DZANK1: variants seen among roughly 807,000 people sequenced by gnomAD.
The protein encoded by DZANK1 is double zinc ribbon and ankyrin repeat domains 1, also known as double zinc ribbon and ankyrin repeat-containing protein 1.
DZANK1 carries 91 observed loss-of-function variants against 94.5 expected under a neutral mutation model. The ratio of observed to expected loss-of-function variants is 0.96; its 90% CI spans 0.81 to 1.15. The LOEUF is 1.15. Among genes scored for constraint, DZANK1 ranks in the 50% most tolerant of loss-of-function variants. The pLI is 0.00. For missense variants in DZANK1, 903 were observed against 916.4 expected (o/e 0.99, Z 0.19); for synonymous variants, 312 against 325.3 (o/e 0.96, Z 0.44).
intron 12 of DZANK1, chr20:18,413,077 A>C: frequency 1.7e-6 from 1 of 577,186 alleles, no homozygotes. Context: ...AAAGTCAGCA[A>C]ATCAAGGGGT....
intron 10 of DZANK1, among the ~76,000 whole-genome samples, chr20:18,423,617 G>A (rs1219253825): frequency 6.6e-6 from 1 of 152,256 alleles, no homozygotes; most frequent in East Asian, 1.9e-4. Context: ...AAATTATACA[G>A]AGTGTGCTCT....
chr20:18,407,829 A>C (rs2057036916), intron 13 of DZANK1, among the ~76,000 whole-genome samples: 1 of 152,254 alleles, frequency 6.6e-6, no homozygotes, highest in South Asian at 2.1e-4. Context: ...GATTAAGCAA[A>C]AGAAAGAATT....
At chr20:18,412,602 G>A in intron 13 of DZANK1, 44 bp downstream of exon 13, 3 of 1,566,444 alleles carry the variant, frequency 1.9e-6, no homozygotes, top group Non-Finnish European at 2.6e-6. Context: ...CACAGAAAGA[G>A]TGAATTCCCT....
intron 4 of DZANK1, 188 bp from the exon 5 acceptor site, chr20:18,454,015 C>T (rs2059198969): frequency 2.9e-6 from 2 of 698,482 alleles, no homozygotes; most frequent in Admixed American, 1.8e-5. Context: ...GGCTGCTCAG[C>T]TGGCAGCACA....
At chr20:18,466,198 T>G (rs938793662) in intron 1 of DZANK1, among the ~76,000 whole-genome samples, 3 of 152,250 alleles carry the variant, frequency 2.0e-5, no homozygotes, top group Non-Finnish European at 2.9e-5. Flanking sequence ...AATCCATAGA[T>G]TTTGCCCAAT....
chr20:18,459,106 C>T (rs560871806), intron 3 of DZANK1, among the ~76,000 whole-genome samples: 5 of 152,328 alleles, frequency 3.3e-5, no homozygotes, highest in Non-Finnish European at 7.3e-5. Context: ...TTTACTACTA[C>T]TTGCAGCTTC....
intron 8 of DZANK1, among the ~76,000 whole-genome samples, chr20:18,442,143 A>G (rs1233085917): frequency 6.6e-6 from 1 of 152,232 alleles, no homozygotes; most frequent in African/African-American, 2.4e-5. Context: ...TTGCACTAAT[A>G]GAAATATAAC....
intron 3 of DZANK1, among the ~76,000 whole-genome samples, chr20:18,455,994 T>A (rs1390309684): frequency 6.6e-6 from 1 of 152,194 alleles, no homozygotes; most frequent in African/African-American, 2.4e-5. Context: ...AACATTCTAT[T>A]GGTCAAAAGC....
At chr20:18,384,342 A>G (rs1024221329) in exon 21 of DZANK1, 14 of 1,522,700 alleles carry the variant, frequency 9.2e-6, no homozygotes, top group African/African-American at 1.4e-5. Flanking sequence ...TACAGGCGTA[A>G]GCCACTGTGC....
chr20:18,459,315 T>C (rs1211800707), intron 3 of DZANK1, among the ~76,000 whole-genome samples: 4 of 152,236 alleles, frequency 2.6e-5, no homozygotes, highest in African/African-American at 9.6e-5. Flanking sequence ...TTTTGTTTCA[T>C]TTTATTTGTT....
At chr20:18,440,772 G>A (rs935256010) in intron 8 of DZANK1, among the ~76,000 whole-genome samples, 13 of 152,210 alleles carry the variant, frequency 8.5e-5, no homozygotes, top group Admixed American at 4.6e-4. Flanking sequence ...TGGGCAGGAG[G>A]CACAGAGTGA....
At chr20:18,460,426 T>C in intron 2 of DZANK1, 120 bp from the exon 3 acceptor site, 1 of 830,710 alleles carries the variant, frequency 1.2e-6, no homozygotes, top group East Asian at 2.9e-5. Context: ...GTGATTTAAG[T>C]TAAGATTTAA....
chr20:18,442,172 T>C (rs2058733848), intron 8 of DZANK1, among the ~76,000 whole-genome samples: 1 of 152,220 alleles, frequency 6.6e-6, no homozygotes, highest in African/African-American at 2.4e-5. Flanking sequence ...AATCTAGGTG[T>C]TTTAAAGTTC....
At chr20:18,453,501 C>T (rs936842915) in intron 5 of DZANK1, among the ~76,000 whole-genome samples, 6 of 152,192 alleles carry the variant, frequency 3.9e-5, no homozygotes, top group Non-Finnish European at 8.8e-5. Flanking sequence ...GCCCCCATGG[C>T]TCCCGGCAGT....
chr20:18,389,763 C>T (rs762333748), exon 19 of DZANK1: 2 of 1,613,980 alleles, frequency 1.2e-6, no homozygotes, highest in Non-Finnish European at 1.7e-6. Context: ...CTTCATGGTG[C>T]TTATTCATAA....
Position 18,448,741 on chromosome 20 carries a change from C to G in DZANK1, c.629+243G>C, listed in dbSNP as rs192401435. Among the ~76,000 whole-genome samples, 562 of 152,002 alleles carry G rather than the reference C, an allele frequency of 3.7e-3. 5 individuals carry two copies. The highest frequency in any genetic ancestry group is 0.013 in the African/African-American group (538 of 41,448). On this transcript the variant is annotated intron_variant, in intron 7 of 20. Transcript: ENST00000262547. ...AATTAGCTGGGCGTGGTGGCGCGTG[C>G]CTGTAATCTCAGCTACTCGGGAGGC...
rs2055900399 is a variant in DZANK1, at chr20:18,390,476, T to G, written c.1810-17A>C. On this transcript the variant is annotated splice_polypyrimidine_tract_variant and intron_variant, in intron 17 of 20. Coordinates refer to ENST00000262547, the Ensembl canonical transcript of DZANK1. ...GTTTTCAGGCTGCAGGATTACAGAA[T>G]GTGGTCATTTCCCCCACTTCAAAAT... The G allele has an allele frequency of 6.2e-7, 1 of 1,612,062 alleles. No homozygotes were observed. The highest frequency in any genetic ancestry group is 1.7e-5 in the Admixed American group (1 of 60,010).
At chr20:18,434,287 G>A (rs2058419678) in intron 8 of DZANK1, among the ~76,000 whole-genome samples, 1 of 152,054 alleles carries the variant, frequency 6.6e-6, no homozygotes, top group Non-Finnish European at 1.5e-5. Context: ...GCTCATGCCT[G>A]TAACCCCAAC....
intron 6 of DZANK1, among the ~76,000 whole-genome samples, chr20:18,449,711 T>C (rs1400614686): frequency 7.0e-6 from 1 of 143,680 alleles, no homozygotes; most frequent in East Asian, 2.0e-4. Context: ...TGAGCCAAGA[T>C]TGCACCACTG....
Sources: allele counts gnomAD v4.1 joint callset (sites outside exome capture counted in the v4.1 genomes callset), GRCh38; gene constraint gnomAD v4.1.1; transcripts MANE v1.5; gene names NCBI Gene and HGNC (gene_info 2026-07-23, HGNC 2026-07-21).